The following ZNF609 variants were observed in gnomAD, a reference collection of about 807,000 sequenced individuals.
The protein encoded by ZNF609 is zinc finger protein 609.
ZNF609 carries 11 observed loss-of-function variants against 109.5 expected under a neutral mutation model. The ratio of observed to expected loss-of-function variants is 0.10; its 90% CI spans 0.06 to 0.17. The LOEUF is 0.17. Among genes scored for constraint, ZNF609 ranks in the 10% least tolerant of loss-of-function variants. The pLI, the probability that ZNF609 is intolerant of heterozygous loss-of-function variation, is 1.00. For synonymous variants in ZNF609, 646 were observed against 662.0 expected (o/e 0.98, Z 0.37); for missense variants, 1,559 against 1,772.4 (o/e 0.88, Z 2.16).
chr15:64,669,975 A>G (rs1008266799), intron 3 of ZNF609, among the ~76,000 whole-genome samples: 2 of 152,094 alleles, frequency 1.3e-5, no homozygotes, highest in African/African-American at 2.4e-5. Context: ...GCCAAAAAAA[A>G]ATTTTTTTAA....
At chr15:64,530,303 C>T (rs1379238406) in intron 2 of ZNF609, among the ~76,000 whole-genome samples, 1 of 152,200 alleles carries the variant, frequency 6.6e-6, no homozygotes, top group Non-Finnish European at 1.5e-5. Context: ...AGCCACCGTG[C>T]TGGGCCTGAA....
intron 2 of ZNF609, among the ~76,000 whole-genome samples, chr15:64,519,550 TG>T (rs553714282): frequency 2.0e-4 from 31 of 152,332 alleles, no homozygotes; most frequent in African/African-American, 7.5e-4. Context: ...AGAACTTGCT[TG>T]GTTCTGTAGT....
chr15:64,585,839 GTTTT>G (rs959774112), intron 2 of ZNF609, among the ~76,000 whole-genome samples: 1 of 152,036 alleles, frequency 6.6e-6, no homozygotes, highest in Non-Finnish European at 1.5e-5. Context: ...TTTACTTTTT[GTTTT>G]TTTGTTTGGT....
chr15:64,632,205 A>G (rs1317938700), intron 3 of ZNF609, among the ~76,000 whole-genome samples: 1 of 151,964 alleles, frequency 6.6e-6, no homozygotes, highest in Non-Finnish European at 1.5e-5. Flanking sequence ...AGAGCATGTC[A>G]CCATGCCTGG....
chr15:64,483,206 C>T (rs1224211752), intron 1 of ZNF609, among the ~76,000 whole-genome samples: 1 of 152,020 alleles, frequency 6.6e-6, no homozygotes, highest in Non-Finnish European at 1.5e-5. Flanking sequence ...AGTGATTCTT[C>T]TGCCTCAGCC....
intron 2 of ZNF609, among the ~76,000 whole-genome samples, chr15:64,530,986 A>G (rs1258780502): frequency 6.6e-6 from 1 of 152,196 alleles, no homozygotes; most frequent in East Asian, 1.9e-4. Context: ...GTGTAACAAA[A>G]TCACTTTTTC....
intron 2 of ZNF609, among the ~76,000 whole-genome samples, chr15:64,596,457 A>G (rs1895400690): frequency 6.6e-6 from 1 of 152,152 alleles, no homozygotes; most frequent in African/African-American, 2.4e-5. Flanking sequence ...CTCTATGCCA[A>G]GCTCTTTCTT....
chr15:64,624,822 C>T (rs1895927750), intron 3 of ZNF609, among the ~76,000 whole-genome samples: 1 of 145,408 alleles, frequency 6.9e-6, no homozygotes, highest in Non-Finnish European at 1.5e-5. Context: ...TACAGTGGTG[C>T]GATCTTGGCT....
intron 1 of ZNF609, among the ~76,000 whole-genome samples, chr15:64,490,225 A>C (rs1257434681): frequency 2.0e-5 from 3 of 150,846 alleles, no homozygotes; most frequent in African/African-American, 7.3e-5. Context: ...AGTCTCCCAA[A>C]GTACTGGGAG....
At chr15:64,544,197 G>A (rs1011467417) in intron 2 of ZNF609, among the ~76,000 whole-genome samples, 2 of 152,008 alleles carry the variant, frequency 1.3e-5, no homozygotes, top group African/African-American at 2.4e-5. Context: ...AAAATTAGCC[G>A]GGCGTGGTGG....
chr15:64,620,018 G>T (rs1408405697), intron 2 of ZNF609, among the ~76,000 whole-genome samples: 4 of 152,160 alleles, frequency 2.6e-5, no homozygotes, highest in Non-Finnish European at 4.4e-5. Context: ...CTGAGAGAAA[G>T]TGTATAGGTG....
At chr15:64,504,103 T>C (rs1376301022) in intron 2 of ZNF609, among the ~76,000 whole-genome samples, 1 of 152,228 alleles carries the variant, frequency 6.6e-6, no homozygotes, top group Non-Finnish European at 1.5e-5. Flanking sequence ...CTTTGCTTCC[T>C]GAAACCAAAT....
chr15:64,652,777 C>T (rs937229362), intron 3 of ZNF609: 1 of 152,346 alleles, frequency 6.6e-6, no homozygotes, highest in Non-Finnish European at 1.5e-5. Context: ...AAGCAGTCCT[C>T]CTGCTTCAGC....
At chr15:64,572,275 C>T (rs552452203) in intron 2 of ZNF609, among the ~76,000 whole-genome samples, 1 of 152,218 alleles carries the variant, frequency 6.6e-6, no homozygotes, top group East Asian at 1.9e-4. Flanking sequence ...GTAGGCAGAT[C>T]GTTTGAGTCT....
At chr15:64,468,593 T>G (rs1893047139) in intron 1 of ZNF609, among the ~76,000 whole-genome samples, 1 of 152,098 alleles carries the variant, frequency 6.6e-6, no homozygotes, top group Non-Finnish European at 1.5e-5. Flanking sequence ...TCTCACTATG[T>G]TGTGTGCCAC....
At chr15:64,611,082 T>G (rs758715393) in intron 2 of ZNF609, among the ~76,000 whole-genome samples, 3 of 152,172 alleles carry the variant, frequency 2.0e-5, no homozygotes, top group Non-Finnish European at 4.4e-5. Context: ...AGTCTTGACT[T>G]TTTAGGAAAT....
intron 2 of ZNF609, among the ~76,000 whole-genome samples, chr15:64,594,704 G>T (rs1011351099): frequency 6.6e-6 from 1 of 151,452 alleles, no homozygotes; most frequent in Non-Finnish European, 1.5e-5. Context: ...CAGAATGAAC[G>T]TAAGGATTTT....
chr15:64,461,822 C>T (rs907718268), intron 1 of ZNF609, among the ~76,000 whole-genome samples: 3 of 152,196 alleles, frequency 2.0e-5, no homozygotes, highest in East Asian at 1.9e-4. Flanking sequence ...AGTCCCCAAG[C>T]CCCTACAGGC....
chr15:64,562,835 G>A (rs1263281273), intron 2 of ZNF609, among the ~76,000 whole-genome samples: 1 of 151,102 alleles, frequency 6.6e-6, no homozygotes, highest in Non-Finnish European at 1.5e-5. Context: ...TTTTCTAGCA[G>A]CAGCTTCTTA....
Sources: allele counts gnomAD v4.1 joint callset (sites outside exome capture counted in the v4.1 genomes callset), GRCh38; gene constraint gnomAD v4.1.1; transcripts MANE v1.5; gene names NCBI Gene and HGNC (gene_info 2026-07-23, HGNC 2026-07-21).